NOD1: variants seen among roughly 807,000 people sequenced by gnomAD.
NOD1 encodes nucleotide-binding oligomerization domain-containing protein 1.
In NOD1, 70 loss-of-function variants were observed where a neutral mutation model predicts 81.2. The observed-to-expected ratio is 0.86, with a 90% CI of 0.71 to 1.05. The LOEUF (loss-of-function observed/expected upper bound fraction) is 1.05, where lower values mean the gene tolerates loss of function less well. NOD1 is among the 50% of genes least tolerant of loss of function. The pLI is 0.00. For missense variants in NOD1, 1,233 were observed against 1,228.0 expected (o/e 1.00, Z -0.06); for synonymous variants, 508 against 526.9 (o/e 0.96, Z 0.49).
At position 30,478,189 on chromosome 7, in the gene NOD1, T is replaced by G. The variant is rs527429001; in HGVS notation, c.-352+417A>C. Among the ~76,000 whole-genome samples, 1 of 152,076 alleles carries G rather than the reference T, an allele frequency of 6.6e-6. No homozygotes were observed. The highest frequency in any genetic ancestry group is 2.4e-5 in the African/African-American group (1 of 41,396). On this transcript the variant is annotated intron_variant, in intron 1 of 13. Coordinates refer to ENST00000222823, the MANE Select transcript of NOD1 (RefSeq NM_006092.4). The surrounding 1 kb of genome is among the most constrained non-coding windows in gnomAD (Gnocchi z 4.1). ...AGGCCCCTGTCTGCCCTTCCAGCCT[T>G]TGCCACAAACCCTCGAACGCTGGCT...
chr7:30,471,781 C>G (rs998010782), intron 1 of NOD1, among the ~76,000 whole-genome samples: 1 of 152,190 alleles, frequency 6.6e-6, no homozygotes, highest in African/African-American at 2.4e-5. Flanking sequence ...GTCTTTTGTT[C>G]CTGTTTCTAA....
At chr7:30,433,387 T>G in intron 11 of NOD1, 1 of 554,840 alleles carries the variant, frequency 1.8e-6, no homozygotes, top group Admixed American at 3.5e-5. Context: ...ATCCTGTACC[T>G]GGGCTCCTAT....
chr7:30,425,775 C>G, intron 13 of NOD1, 65 bp from the exon 14 acceptor site: 1 of 1,089,012 alleles, frequency 9.2e-7, no homozygotes, highest in Non-Finnish European at 1.4e-6. Flanking sequence ...ACACTCCTTC[C>G]CAAGGTGTGT....
At position 30,466,445 on chromosome 7, in the gene NOD1, A is replaced by C. The variant is rs563713889; in HGVS notation, c.-351-6404T>G. 1.1e-3 allele frequency among the ~76,000 whole-genome samples: 168 copies of C among 152,252 alleles called. 1 individual carries two copies. The highest frequency in any genetic ancestry group is 3.9e-3 in the African/African-American group (162 of 41,558). On this transcript the variant is annotated intron_variant, in intron 1 of 13. Transcript: ENST00000222823. The stretch of plus-strand genomic sequence containing the variant: ...CAGCTCAGGCCCACAAATAACCACA[A>C]TGAGTAGCTCTTGCCAACTCGCAAA...
intron 13 of NOD1, chr7:30,428,750 A>C (rs1340715135): frequency 6.6e-6 from 1 of 152,018 alleles, no homozygotes; most frequent in Non-Finnish European, 1.5e-5. Context: ...CCCAGCATCC[A>C]CCCAGTCCCA....
At chr7:30,472,705 C>T (rs1160952725) in intron 1 of NOD1, among the ~76,000 whole-genome samples, 2 of 152,234 alleles carry the variant, frequency 1.3e-5, no homozygotes, top group Non-Finnish European at 2.9e-5. Flanking sequence ...TAGCAAGAGA[C>T]ATGAGAAACC....
At chr7:30,476,297 ATTAC>A (rs1788776312) in intron 1 of NOD1, among the ~76,000 whole-genome samples, 1 of 152,192 alleles carries the variant, frequency 6.6e-6, no homozygotes. Context: ...TTATGCCTAT[ATTAC>A]TTACTGTTTC....
intron 6 of NOD1, among the ~76,000 whole-genome samples, chr7:30,449,689 T>C (rs971612194): frequency 6.6e-6 from 1 of 152,212 alleles, no homozygotes; most frequent in Non-Finnish European, 1.5e-5. Flanking sequence ...AGAAATAAGC[T>C]TGTAACTCAC....
chr7:30,462,948 CAA>C (rs11313806), intron 1 of NOD1, among the ~76,000 whole-genome samples: 89 of 101,262 alleles, frequency 8.8e-4, no homozygotes, highest in African/African-American at 2.1e-3. Context: ...GACTCCATCT[CAA>C]AAAAAAAAAA....
intron 9 of NOD1, among the ~76,000 whole-genome samples, chr7:30,445,278 T>TAAAAAA (rs55875433): frequency 7.8e-4 from 54 of 69,180 alleles, no homozygotes; most frequent in South Asian, 2.1e-3. Context: ...AAAAAGAATC[T>TAAAAAA]AAAAAAAAAA....
chr7:30,432,708 T>C (rs1784051689), intron 12 of NOD1, among the ~76,000 whole-genome samples: 1 of 152,216 alleles, frequency 6.6e-6, no homozygotes, highest in African/African-American at 2.4e-5. Context: ...ATCAACTGAT[T>C]AATAAACTGC....
intron 12 of NOD1, among the ~76,000 whole-genome samples, chr7:30,430,652 C>T (rs897721872): frequency 3.9e-5 from 6 of 152,330 alleles, no homozygotes; most frequent in South Asian, 2.1e-4. Flanking sequence ...AAGAAATAAA[C>T]GCATCTGTCT....
chr7:30,437,750 C>T (rs925688827), intron 9 of NOD1, 94 bp from the exon 10 acceptor site: 15 of 802,716 alleles, frequency 1.9e-5, no homozygotes, highest in Middle Eastern at 2.2e-4. Flanking sequence ...TCAGTTCCTA[C>T]TCAACAGGCA....
At chr7:30,446,446 T>C in intron 8 of NOD1, 1 of 558,012 alleles carries the variant, frequency 1.8e-6, no homozygotes, top group Non-Finnish European at 3.2e-6. Context: ...CCACAGTCTC[T>C]GCAGAAGCTC....
chr7:30,453,023 G>T lies in NOD1; in HGVS notation c.394C>A (p.Gln132Lys). The change falls in exon 6 of 14, where the codon CAG becomes AAG. Residue 132 changes from glutamine to lysine, a missense_variant. Transcript: ENST00000222823. ...NTDPVSRYTQ[Q>K]LRHHLGRDSK... is the part of the protein sequence containing the mutation. ...TCACGGCCCAGATGGTGTCGCAGCT[G>T]CTGGGTATACCTGCTCACTGGAGGG... 1.2e-6 allele frequency: 2 copies of T among 1,610,170 alleles called. No individual in the cohort carries two copies.
intron 7 of NOD1, 58 bp from the exon 8 acceptor site, chr7:30,447,108 C>T (rs1785187683): frequency 6.2e-7 from 1 of 1,612,252 alleles, no homozygotes; most frequent in African/African-American, 1.3e-5. Context: ...TTTAATAGCC[C>T]CTGTTTTTTG....
At chr7:30,455,077 C>T in intron 5 of NOD1, 60 bp downstream of exon 5, 1 of 1,555,334 alleles carries the variant, frequency 6.4e-7, no homozygotes, top group African/African-American at 1.4e-5. Context: ...CAGCCATTAC[C>T]AAACCCCCCA....
intron 1 of NOD1, among the ~76,000 whole-genome samples, chr7:30,465,782 T>C (rs1340032312): frequency 1.3e-5 from 2 of 152,252 alleles, no homozygotes; most frequent in African/African-American, 4.8e-5. Context: ...TTTAGCAATG[T>C]AGCAGATGCT....
Position 30,452,066 on chromosome 7 carries a change from C to A in NOD1, c.1351G>T (p.Glu451Ter). The change falls in exon 6 of 14, where the codon GAG becomes TAG. Residue 451 changes from glutamate to a stop codon, truncating the protein, a stop_gained. Transcript: ENST00000222823. LOFTEE classifies it high-confidence loss of function. ...LVQRNTRSPV[E>*]TLHAGRDTLC... Reference sequence around the variant, plus strand: ...GTGTCCCGGCCGGCGTGGAGGGTCTCCACTGGGCTGCGTGTGTTCCGCTGC... The same window carrying A: ...GTGTCCCGGCCGGCGTGGAGGGTCTACACTGGGCTGCGTGTGTTCCGCTGC... 1 of 1,613,628 alleles carries A rather than the reference C, an allele frequency of 6.2e-7. No individual in the cohort carries two copies. Among genetic ancestry groups the A allele is most frequent in the South Asian group, 1.1e-5 (1 of 91,078 alleles).
Sources: allele counts gnomAD v4.1 joint callset (sites outside exome capture counted in the v4.1 genomes callset), GRCh38; gene constraint gnomAD v4.1.1; non-coding constraint Gnocchi (gnomAD v3.1); transcripts MANE v1.5; gene names NCBI Gene and HGNC (gene_info 2026-07-23, HGNC 2026-07-21).